The following LSAMP variants were observed in gnomAD, a reference collection of about 807,000 sequenced individuals.
LSAMP encodes limbic system associated membrane protein, also known as limbic system-associated membrane protein.
LSAMP carries 7 observed loss-of-function variants against 38.6 expected under a neutral mutation model. That is an observed-to-expected ratio of 0.18 (90% CI 0.10 to 0.34). LSAMP has a LOEUF of 0.34. LSAMP is among the 10% of genes least tolerant of loss of function. The pLI is 1.00. For synonymous variants in LSAMP, 154 were observed against 166.8 expected (o/e 0.92, Z 0.59); for missense variants, 313 against 420.0 (o/e 0.75, Z 2.23).
At chr3:115,925,302 T>C (rs1937474078) in intron 3 of LSAMP, among the ~76,000 whole-genome samples, 1 of 152,190 alleles carries the variant, frequency 6.6e-6, no homozygotes, top group Admixed American at 6.5e-5. Context: ...GGTTCAGAAT[T>C]CAGCTGTTAA....
chr3:115,885,324 G>A (rs2107443082), intron 3 of LSAMP, among the ~76,000 whole-genome samples: 1 of 151,926 alleles, frequency 6.6e-6, no homozygotes, highest in Middle Eastern at 3.4e-3. Flanking sequence ...TTGTAAGTGT[G>A]GAAACTGCAA....
chr3:116,004,438 A>G (rs1043471953), intron 3 of LSAMP, among the ~76,000 whole-genome samples: 1 of 151,350 alleles, frequency 6.6e-6, no homozygotes. Context: ...ACATATATAC[A>G]CATATACATA....
At chr3:116,157,468 C>A (rs1709780116) in intron 1 of LSAMP, among the ~76,000 whole-genome samples, 1 of 152,038 alleles carries the variant, frequency 6.6e-6, no homozygotes, top group African/African-American at 2.4e-5. Flanking sequence ...CTAATCAGTT[C>A]ATCCAAATCA....
intron 1 of LSAMP, among the ~76,000 whole-genome samples, chr3:116,212,097 G>A (rs2046164856): frequency 6.6e-6 from 1 of 152,164 alleles, no homozygotes; most frequent in South Asian, 2.1e-4. Flanking sequence ...GAATTTTATT[G>A]CTTGACACAG....
intron 3 of LSAMP, among the ~76,000 whole-genome samples, chr3:115,877,586 T>C (rs977224643): frequency 2.9e-5 from 4 of 138,882 alleles, no homozygotes; most frequent in African/African-American, 9.2e-5. Flanking sequence ...GCCCAGAGTG[T>C]AGTATTTTGT....
chr3:115,854,282 A>ATTATTATTATTT (rs1366839788), intron 3 of LSAMP, among the ~76,000 whole-genome samples: 1 of 107,026 alleles, frequency 9.3e-6, no homozygotes, highest in African/African-American at 3.7e-5. Flanking sequence ...TATTATTATT[A>ATTATTATTATTT]TTTTTTTTTT....
chr3:116,066,632 C>T (rs140724132), intron 2 of LSAMP, among the ~76,000 whole-genome samples: 2 of 152,278 alleles, frequency 1.3e-5, no homozygotes, highest in East Asian at 3.9e-4. Context: ...ATTATGTTTT[C>T]CATTTGAAGA....
At chr3:116,049,015 A>G (rs896321481) in intron 2 of LSAMP, among the ~76,000 whole-genome samples, 4 of 152,210 alleles carry the variant, frequency 2.6e-5, no homozygotes, top group African/African-American at 9.6e-5. Context: ...GGGAGCTGAT[A>G]CTATAGAAGT....
At chr3:116,218,115 C>A (rs543201410) in intron 1 of LSAMP, among the ~76,000 whole-genome samples, 1 of 151,958 alleles carries the variant, frequency 6.6e-6, no homozygotes, top group Non-Finnish European at 1.5e-5. Flanking sequence ...CCGAAGAGTT[C>A]GGGTGGGAGA....
chr3:116,067,135 C>A (rs1169681988), intron 2 of LSAMP, among the ~76,000 whole-genome samples: 1 of 152,146 alleles, frequency 6.6e-6, no homozygotes, highest in Non-Finnish European at 1.5e-5. Context: ...TCACTTCAGG[C>A]TTCAACTTGA....
At chr3:115,957,252 T>C (rs2107587614) in intron 3 of LSAMP, among the ~76,000 whole-genome samples, 1 of 152,326 alleles carries the variant, frequency 6.6e-6, no homozygotes, top group Middle Eastern at 3.4e-3. Context: ...ATTATAGATG[T>C]AGAAGTCCCT....
At chr3:116,185,492 T>C (rs1322099283) in intron 1 of LSAMP, among the ~76,000 whole-genome samples, 1 of 152,082 alleles carries the variant, frequency 6.6e-6, no homozygotes, top group East Asian at 1.9e-4. Flanking sequence ...ACAGGGATTC[T>C]ATCATACTGG....
chr3:115,821,157 T>C (rs1183756765), intron 6 of LSAMP, among the ~76,000 whole-genome samples: 1 of 152,158 alleles, frequency 6.6e-6, no homozygotes, highest in Non-Finnish European at 1.5e-5. Context: ...CATCCACATC[T>C]CTGAAAAAAT....
intron 1 of LSAMP, among the ~76,000 whole-genome samples, chr3:116,435,741 A>T (rs1362591306): frequency 2.0e-5 from 3 of 152,188 alleles, no homozygotes; most frequent in African/African-American, 2.4e-5. Flanking sequence ...AAAGGATCTT[A>T]AATAATAAAT....
At chr3:116,069,639 A>T (rs1357279171) in intron 2 of LSAMP, among the ~76,000 whole-genome samples, 2 of 152,178 alleles carry the variant, frequency 1.3e-5, no homozygotes, top group African/African-American at 4.8e-5. Flanking sequence ...ACATGTTATC[A>T]CTGACTGAAA....
chr3:115,831,182 A>G (rs1934596635), intron 6 of LSAMP, among the ~76,000 whole-genome samples: 1 of 152,132 alleles, frequency 6.6e-6, no homozygotes, highest in South Asian at 2.1e-4. Context: ...AACCTGAAAG[A>G]TAATCTCAAC....
intron 2 of LSAMP, among the ~76,000 whole-genome samples, chr3:116,060,106 T>G (rs1244347921): frequency 1.3e-5 from 2 of 152,176 alleles, no homozygotes; most frequent in Non-Finnish European, 1.5e-5. Context: ...TCCCTTCCCT[T>G]TTGTCTCTTT....
chr3:116,083,584 C>T (rs1403569759), intron 2 of LSAMP, among the ~76,000 whole-genome samples: 1 of 152,112 alleles, frequency 6.6e-6, no homozygotes, highest in Non-Finnish European at 1.5e-5. Flanking sequence ...TTGGCCTCAC[C>T]ATTGTGTAAG....
At chr3:116,329,533 T>C (rs2047821630) in intron 1 of LSAMP, among the ~76,000 whole-genome samples, 1 of 152,168 alleles carries the variant, frequency 6.6e-6, no homozygotes, top group Non-Finnish European at 1.5e-5. Context: ...AGTGAATGTT[T>C]CTGCTAAATC....
Sources: allele counts gnomAD v4.1 joint callset (sites outside exome capture counted in the v4.1 genomes callset), GRCh38; gene constraint gnomAD v4.1.1; transcripts MANE v1.5; gene names NCBI Gene and HGNC (gene_info 2026-07-23, HGNC 2026-07-21).